Variants in TCF4 observed in about 807,000 individuals in gnomAD.
TCF4 encodes transcription factor 4, also known as SL3-3 enhancer factor 2.
In TCF4, 3 loss-of-function variants were observed where a neutral mutation model predicts 82.1. The ratio of observed to expected loss-of-function variants is 0.04; its 90% CI spans 0.02 to 0.09. The LOEUF (loss-of-function observed/expected upper bound fraction) is 0.09, where lower values mean the gene tolerates loss of function less well. Among genes scored for constraint, TCF4 ranks in the 10% least tolerant of loss-of-function variants. The pLI is 1.00. For missense variants in TCF4, 518 were observed against 852.7 expected (o/e 0.61, Z 4.89); for synonymous variants, 276 against 309.6 (o/e 0.89, Z 1.14).
chr18:55,396,548 A>G (rs1044796788), intron 6 of TCF4, among the ~76,000 whole-genome samples: 1 of 152,140 alleles, frequency 6.6e-6, no homozygotes, highest in Non-Finnish European at 1.5e-5. Context: ...CTGATGATCA[A>G]CCTTGTGAGA....
At chr18:55,338,239 C>T (rs2079069045) in intron 8 of TCF4, among the ~76,000 whole-genome samples, 1 of 152,174 alleles carries the variant, frequency 6.6e-6, no homozygotes, top group South Asian at 2.1e-4. Context: ...GATATTAGTA[C>T]CTCAGTATGT....
rs552049013 is a variant in TCF4 at position 55,432,175 on chromosome 18, C to T, written c.305-28657G>A. 8.5e-5 allele frequency among the ~76,000 whole-genome samples: 13 copies of T among 152,166 alleles called. No individual in the cohort carries two copies. In the South Asian group the frequency reaches 2.3e-3, roughly 27 times the overall value. On this transcript the variant is annotated intron_variant, in intron 5 of 19. Coordinates refer to ENST00000354452, the MANE Select transcript of TCF4 (RefSeq NM_001083962.2). ...AAAATTAGCTGGGCCTGGTGGCACA[C>T]GCCTGTAGTCCCAGCCACTTGGGTG... is the stretch of plus-strand genomic sequence containing the variant.
intron 8 of TCF4, among the ~76,000 whole-genome samples, chr18:55,305,322 G>A (rs970032006): frequency 6.6e-6 from 1 of 151,850 alleles, no homozygotes; most frequent in African/African-American, 2.4e-5. Context: ...ACAATTTTTC[G>A]ATCTAAGTAA....
At chr18:55,572,072 G>T (rs1190797448) in intron 3 of TCF4, among the ~76,000 whole-genome samples, 2 of 152,138 alleles carry the variant, frequency 1.3e-5, no homozygotes, top group Non-Finnish European at 2.9e-5. Context: ...CAATTCACCT[G>T]CAGTGGGCAT....
intron 1 of TCF4, among the ~76,000 whole-genome samples, chr18:55,634,678 T>C (rs769506678): frequency 3.9e-5 from 6 of 152,204 alleles, no homozygotes; most frequent in Admixed American, 6.6e-5. Flanking sequence ...TTTTATCCTA[T>C]ATTAAACTGA....
chr18:55,388,967 C>T (rs1270423458), intron 6 of TCF4, among the ~76,000 whole-genome samples: 1 of 150,370 alleles, frequency 6.7e-6, no homozygotes, highest in Non-Finnish European at 1.5e-5. Flanking sequence ...ACTAAAAATA[C>T]AAAAAAAAAT....
intron 4 of TCF4, among the ~76,000 whole-genome samples, chr18:55,462,650 T>A (rs1568112958): frequency 6.6e-6 from 1 of 152,162 alleles, no homozygotes; most frequent in Non-Finnish European, 1.5e-5. Context: ...GAAACACAAT[T>A]AAAAGTACCA....
Position 55,303,267 on chromosome 18 carries a change from A to ACACC in TCF4, c.550-23612_550-23611insGGTG, listed in dbSNP as rs1184292058. On this transcript the variant is annotated intron_variant, in intron 8 of 19. Transcript: ENST00000354452. ...CACACACACACACACACACACACAC[A>ACACC]CCCCTACACACCTGACCCAGCTACT... is the stretch of plus-strand genomic sequence containing the variant. Among the ~76,000 whole-genome samples, 53 of 142,188 alleles carry ACACC rather than the reference A, an allele frequency of 3.7e-4. No homozygotes were observed. In the South Asian group the frequency reaches 4.7e-3, roughly 13 times the overall value. The allele number at this position is 142,188 out of a possible 152,430, so 93.3% of individuals were successfully genotyped here. A position where few individuals can be genotyped will look rare whatever the true frequency, so the allele number is the denominator to read the frequency against.
chr18:55,500,850 G>A (rs2096690722), intron 3 of TCF4, among the ~76,000 whole-genome samples: 1 of 152,154 alleles, frequency 6.6e-6, no homozygotes, highest in South Asian at 2.1e-4. Context: ...CAAAGAATGA[G>A]CTCAAATAAC....
At chr18:55,364,363 A>T (rs1397318367) in intron 6 of TCF4, among the ~76,000 whole-genome samples, 1 of 152,212 alleles carries the variant, frequency 6.6e-6, no homozygotes, top group African/African-American at 2.4e-5. Flanking sequence ...ATGAAAAAGC[A>T]TGTTTTTAAA....
chr18:55,635,162 C>T (rs2097735065), intron 1 of TCF4, among the ~76,000 whole-genome samples: 1 of 152,142 alleles, frequency 6.6e-6, no homozygotes, highest in Admixed American at 6.5e-5. Flanking sequence ...GACAGAGGAG[C>T]AGTGCAAAAG....
upstream of TCF4, chr18:55,589,509 T>C: frequency 9.5e-7 from 1 of 1,053,478 alleles, no homozygotes; most frequent in East Asian, 5.4e-5. Flanking sequence ...TGCAACAAAA[T>C]TCCCTCCCCC....
intron 6 of TCF4, among the ~76,000 whole-genome samples, chr18:55,361,124 A>T (rs1261621769): frequency 6.6e-6 from 1 of 152,130 alleles, no homozygotes. Context: ...TGCTATCTTC[A>T]GACTTCCCTC....
At chr18:55,296,107 GTT>G (rs11353305) in intron 8 of TCF4, among the ~76,000 whole-genome samples, 11 of 140,094 alleles carry the variant, frequency 7.9e-5, no homozygotes, top group South Asian at 6.8e-4. Context: ...ACATTAAAGT[GTT>G]TTTTTTTTTT....
chr18:55,342,382 G>A (rs1055134585), intron 8 of TCF4, among the ~76,000 whole-genome samples: 3 of 152,012 alleles, frequency 2.0e-5, no homozygotes, highest in African/African-American at 4.8e-5. Flanking sequence ...AGATACATGA[G>A]GGACCCCAAG....
At chr18:55,285,367 T>G (rs1321721952) in intron 8 of TCF4, among the ~76,000 whole-genome samples, 1 of 152,198 alleles carries the variant, frequency 6.6e-6, no homozygotes, top group Admixed American at 6.5e-5. Context: ...GGATAATATA[T>G]GTCAAACATA....
chr18:55,338,933 G>A (rs2079225578), intron 8 of TCF4, among the ~76,000 whole-genome samples: 1 of 152,124 alleles, frequency 6.6e-6, no homozygotes, highest in African/African-American at 2.4e-5. Context: ...TTTTTGTTGT[G>A]ACCAGAACTG....
At chr18:55,371,207 T>C (rs2089046680) in intron 6 of TCF4, among the ~76,000 whole-genome samples, 1 of 152,214 alleles carries the variant, frequency 6.6e-6, no homozygotes, top group Non-Finnish European at 1.5e-5. Context: ...GGCAGCCAGT[T>C]ATACCTCTTC....
chr18:55,462,268 C>T (rs1192091174), intron 4 of TCF4, among the ~76,000 whole-genome samples: 1 of 152,138 alleles, frequency 6.6e-6, no homozygotes, highest in African/African-American at 2.4e-5. Flanking sequence ...CATCATAGTA[C>T]ACTCACTCAC....
Sources: allele counts gnomAD v4.1 joint callset (sites outside exome capture counted in the v4.1 genomes callset), GRCh38; gene constraint gnomAD v4.1.1; transcripts MANE v1.5; gene names NCBI Gene and HGNC (gene_info 2026-07-23, HGNC 2026-07-21).